Variants in PKP2 observed in about 807,000 individuals in gnomAD.
PKP2 encodes plakophilin-2.
Under a neutral mutation model 83.4 loss-of-function variants are expected in PKP2, and 73 were observed. The ratio of observed to expected loss-of-function variants is 0.88; its 90% CI spans 0.72 to 1.06. The LOEUF (loss-of-function observed/expected upper bound fraction) is 1.06, where lower values mean the gene tolerates loss of function less well. Ranked by LOEUF, PKP2 falls within the 50% of genes least tolerant of loss-of-function variation. PKP2 has a pLI of 0.00. For missense variants in PKP2, 966 were observed against 1,065.4 expected, an observed-to-expected ratio of 0.91 and a Z score of 1.30; for synonymous variants, 409 against 430.4, an observed-to-expected ratio of 0.95 and a Z score of 0.62.
chr12:32,840,718 C>A (rs771615545), intron 6 of PKP2, among the ~76,000 whole-genome samples: 13 of 152,098 alleles, frequency 8.5e-5, no homozygotes, highest in Non-Finnish European at 1.8e-4. Flanking sequence ...AACATCTTAT[C>A]ATAATAAATT....
chr12:32,800,093 G>A (rs1384972644), intron 10 of PKP2, among the ~76,000 whole-genome samples: 1 of 152,184 alleles, frequency 6.6e-6, no homozygotes, highest in Non-Finnish European at 1.5e-5. Context: ...AAAAGATAGA[G>A]AGCATGCATC....
chr12:32,838,956 G>A (rs953620287), intron 6 of PKP2, among the ~76,000 whole-genome samples: 1 of 152,148 alleles, frequency 6.6e-6, no homozygotes, highest in Non-Finnish European at 1.5e-5. Context: ...GTTTTAAATC[G>A]TTAGGAGATT....
At position 32,796,140 on chromosome 12, in the gene PKP2, G is replaced by A; in HGVS notation, c.2326C>T (p.Gln776Ter). 6.2e-7 allele frequency: 1 copy of A among 1,614,050 alleles called. No individual in the cohort carries two copies. The highest frequency in any genetic ancestry group is 2.2e-5 in the East Asian group (1 of 44,860). ...CCTGCACTAATGGCCATAATTTTCT[G>A]GATGCCCCCGGTGTTTAGAAGGTCG... ...ARDLLNTGGI[Q>*]KIMAISAGDA... Residue 776 changes from glutamine to a stop codon, truncating the protein, a stop_gained, in exon 11 of 13, where the codon CAG (glutamine) becomes TAG (stop). Coordinates refer to ENST00000340811, the MANE Select transcript of PKP2 (RefSeq NM_001005242.3). LOFTEE classifies it high-confidence loss of function.
At chr12:32,866,852 T>C (rs1197193171) in intron 4 of PKP2, among the ~76,000 whole-genome samples, 1 of 152,222 alleles carries the variant, frequency 6.6e-6, no homozygotes, top group African/African-American at 2.4e-5. Flanking sequence ...CATGTCTACA[T>C]GAAGACTTGT....
At chr12:32,810,444 T>G (rs1956266615) in intron 9 of PKP2, among the ~76,000 whole-genome samples, 1 of 152,172 alleles carries the variant, frequency 6.6e-6, no homozygotes, top group South Asian at 2.1e-4. Flanking sequence ...TAGGCCAGAG[T>G]TGTGCCAGTC....
chr12:32,869,112 G>A (rs1481102112), intron 3 of PKP2, 50 bp from the exon 4 acceptor site: 1 of 1,608,264 alleles, frequency 6.2e-7, no homozygotes, highest in East Asian at 2.2e-5. Context: ...CCCTCCTCCT[G>A]CCTACCAACC....
chr12:32,896,437 G>A (rs931493188), intron 1 of PKP2, 72 bp downstream of exon 1: 1 of 1,184,132 alleles, frequency 8.4e-7, no homozygotes, highest in African/African-American at 1.6e-5. Flanking sequence ...CACGCGGGGT[G>A]AGGGCGGGAT....
At chr12:32,894,707 A>G (rs1028629573) in intron 1 of PKP2, 1 of 152,296 alleles carries the variant, frequency 6.6e-6, no homozygotes, top group East Asian at 1.9e-4. Context: ...AGAGGATAAG[A>G]AAGAATATCT....
At chr12:32,850,690 T>G in intron 5 of PKP2, 76 bp downstream of exon 5, 1 of 1,141,050 alleles carries the variant, frequency 8.8e-7, no homozygotes, top group South Asian at 1.3e-5. Flanking sequence ...CCAGGAAACT[T>G]AAGAAAAAGA....
intron 9 of PKP2, among the ~76,000 whole-genome samples, chr12:32,818,974 G>A (rs752278811): frequency 8.5e-5 from 13 of 152,110 alleles, no homozygotes; most frequent in African/African-American, 2.9e-4. Context: ...AAAGCATCCC[G>A]TAACTTAAAA....
intron 6 of PKP2, among the ~76,000 whole-genome samples, chr12:32,827,198 A>G (rs1956450626): frequency 6.6e-6 from 1 of 152,244 alleles, no homozygotes; most frequent in Non-Finnish European, 1.5e-5. Context: ...CAGTACTGCC[A>G]GTTCACAAGT....
rs1373621892 is a variant in PKP2 at position 32,869,080 on chromosome 12, G to A, written c.1035-18C>T. The stretch of plus-strand genomic sequence containing the variant: ...CTGCATTCCTAGACAAACAGGCACA[G>A]ATTCAGCCAGATTCCAAACCTCCCT... On this transcript the variant is annotated intron_variant, in intron 3 of 12. Coordinates refer to ENST00000340811, the MANE Select transcript of PKP2 (RefSeq NM_001005242.3). 8 of 1,613,336 alleles carry A rather than the reference G, an allele frequency of 5.0e-6. No homozygotes were observed. Among genetic ancestry groups the A allele is most frequent in the Non-Finnish European group, 6.8e-6 (8 of 1,179,972 alleles).
chr12:32,823,551 A>G (rs1956403933), intron 7 of PKP2, among the ~76,000 whole-genome samples: 1 of 152,028 alleles, frequency 6.6e-6, no homozygotes, highest in Non-Finnish European at 1.5e-5. Flanking sequence ...TAGTGTGGTT[A>G]GACAGACAGA....
At chr12:32,827,831 T>C (rs1956457193) in intron 6 of PKP2, among the ~76,000 whole-genome samples, 1 of 152,238 alleles carries the variant, frequency 6.6e-6, no homozygotes, top group East Asian at 1.9e-4. Context: ...GTGCCTGTCG[T>C]TTGCATTTGA....
chr12:32,869,167 C>T, intron 3 of PKP2, 105 bp from the exon 4 acceptor site: 1 of 1,322,998 alleles, frequency 7.6e-7, no homozygotes, highest in Non-Finnish European at 1.1e-6. Flanking sequence ...AGCACTAGAA[C>T]ATCTGAACCT....
At chr12:32,879,091 A>T (rs1440881450) in intron 1 of PKP2, 59 bp from the exon 2 acceptor site, 1 of 891,596 alleles carries the variant, frequency 1.1e-6, no homozygotes, top group Non-Finnish European at 1.9e-6. Flanking sequence ...TAATATTTAC[A>T]GACTGTATAA....
chr12:32,840,175 C>T (rs1394341804), intron 6 of PKP2, among the ~76,000 whole-genome samples: 2 of 152,228 alleles, frequency 1.3e-5, no homozygotes, highest in South Asian at 2.1e-4. Context: ...CTAACAACTT[C>T]CAGGTGGTGC....
intron 4 of PKP2, among the ~76,000 whole-genome samples, chr12:32,866,007 C>T (rs1190911345): frequency 2.0e-5 from 3 of 151,726 alleles, no homozygotes; most frequent in Non-Finnish European, 2.9e-5. Flanking sequence ...ACATGAAAAG[C>T]AGAAACCATA....
chr12:32,810,344 G>A (rs2137745358), intron 9 of PKP2, among the ~76,000 whole-genome samples: 1 of 112,214 alleles, frequency 8.9e-6, no homozygotes, highest in East Asian at 3.2e-4. Context: ...GCAAAGGTAA[G>A]GAGTTCAGCC....
Sources: allele counts gnomAD v4.1 joint callset (sites outside exome capture counted in the v4.1 genomes callset), GRCh38; gene constraint gnomAD v4.1.1; transcripts MANE v1.5; gene names NCBI Gene and HGNC (gene_info 2026-07-23, HGNC 2026-07-21).